Variants in ERBB2 observed in about 807,000 individuals in gnomAD.
ERBB2 encodes erb-b2 receptor tyrosine kinase 2.
A neutral mutation model predicts 149.0 loss-of-function variants in ERBB2; 61 were observed. The ratio of observed to expected loss-of-function variants is 0.41; its 90% CI spans 0.33 to 0.51. The LOEUF (loss-of-function observed/expected upper bound fraction) is 0.51. Among genes scored for constraint, ERBB2 ranks in the 20% least tolerant of loss-of-function variants. The pLI, the probability that ERBB2 is intolerant of heterozygous loss-of-function variation, is 0.25. For synonymous variants in ERBB2, 633 were observed against 678.8 expected (o/e 0.93, Z 1.05); for missense variants, 1,205 against 1,655.1 (o/e 0.73, Z 4.72).
At chr17:39,715,575 C>T (rs2145644222) in intron 11 of ERBB2, 39 bp downstream of exon 11, 1 of 1,593,118 alleles carries the variant, frequency 6.3e-7, no homozygotes, top group South Asian at 1.1e-5. Context: ...GGGGAGGAGT[C>T]CCAGGGAGGA....
At chr17:39,711,223 G>A (rs926908682) in intron 7 of ERBB2, among the ~76,000 whole-genome samples, 7 of 149,340 alleles carry the variant, frequency 4.7e-5, no homozygotes, top group South Asian at 2.1e-4. Flanking sequence ...GCAGAGTCTC[G>A]CTCCATTGCC....
intron 2 of ERBB2, 71 bp from the exon 3 acceptor site, chr17:39,708,250 G>A: frequency 8.0e-7 from 1 of 1,249,504 alleles, no homozygotes; most frequent in Non-Finnish European, 1.1e-6. Context: ...TCCAAGTACT[G>A]GGGAACCCCA....
chr17:39,722,441 G>A (rs926161243), intron 16 of ERBB2, among the ~76,000 whole-genome samples: 3 of 152,076 alleles, frequency 2.0e-5, no homozygotes, highest in African/African-American at 7.2e-5. Flanking sequence ...GGTCAGGGCT[G>A]CAGTGGGCCA....
At chr17:39,707,999 CAAA>C in intron 2 of ERBB2, 1 of 217,004 alleles carries the variant, frequency 4.6e-6, no homozygotes, top group East Asian at 9.7e-5. Flanking sequence ...AACTCCGTCT[CAAA>C]AAAAAAAAAT....
In ERBB2 at chr17:39,726,035, ACT is replaced by A; in HGVS notation, c.2872+185_2872+186del. 1 of 602,876 alleles carries A rather than the reference ACT, an allele frequency of 1.7e-6. No individual in the cohort carries two copies. Among genetic ancestry groups the A allele is most frequent in the Non-Finnish European group, 2.8e-6 (1 of 353,406 alleles). The allele number at this position is 602,876 out of a possible 1,614,324, so 37.3% of individuals were successfully genotyped here. ...AAGTCCAAAGCCACTCTTGAGGAAC[ACT>A]CTTGTACAAAATTAAGCTGGGCACA... On this transcript the variant is annotated intron_variant, in intron 23 of 26. Transcript: ENST00000269571. This position sits in a 1 kb window ranked among gnomAD's most constrained non-coding sequence, Gnocchi z 5.1.
At chr17:39,709,131 G>A (rs966516858) in intron 3 of ERBB2, 187 bp from the exon 4 acceptor site, 6 of 665,836 alleles carry the variant, frequency 9.0e-6, no homozygotes, top group Admixed American at 7.7e-5. Context: ...CCTGGCTCTC[G>A]CTTTGTTCTT....
chr17:39,717,645 T>G (rs1437233479), intron 15 of ERBB2, 165 bp downstream of exon 15: 8 of 591,826 alleles, frequency 1.4e-5, no homozygotes, highest in Non-Finnish European at 2.0e-5. Flanking sequence ...AAATATAAAT[T>G]AATGCCCTAG....
intron 16 of ERBB2, among the ~76,000 whole-genome samples, chr17:39,722,582 G>A (rs2059508256): frequency 6.6e-6 from 1 of 152,204 alleles, no homozygotes; most frequent in Non-Finnish European, 1.5e-5. Context: ...CTGCCCAACT[G>A]TAAGCTGCTG....
intron 1 of ERBB2, among the ~76,000 whole-genome samples, chr17:39,704,514 A>G (rs1312531989): frequency 6.6e-6 from 1 of 152,190 alleles, no homozygotes; most frequent in Non-Finnish European, 1.5e-5. Flanking sequence ...CAGAGGTTGC[A>G]GTGAGCCGAG....
At position 39,716,245 on chromosome 17, in the gene ERBB2, C is replaced by G. The variant is rs191888667; in HGVS notation, c.1514-56C>G. ...TGCCCACAGCCAGTTCCCTGGTTCA[C>G]TTGGACCTGGGGCCTCCCCTAAAAG... On this transcript the variant is annotated intron_variant, in intron 12 of 26. Coordinates refer to ENST00000269571, the MANE Select transcript of ERBB2 (RefSeq NM_004448.4). The G allele has an allele frequency of 4.0e-5, 60 of 1,509,332 alleles. No individual in the cohort carries two copies. In the African/African-American group the frequency reaches 8.1e-4, roughly 20 times the overall value. 93.5% of individuals were successfully genotyped at this position (1,509,332 alleles called of 1,614,324 possible).
upstream of ERBB2, among the ~76,000 whole-genome samples, chr17:39,694,253 A>G (rs1156959791): frequency 2.5e-3 from 70 of 28,108 alleles, no homozygotes; most frequent in Non-Finnish European, 5.2e-3. Flanking sequence ...ATATATATAT[A>G]TATATATATA....
At chr17:39,700,455 C>A in intron 1 of ERBB2, 144 bp downstream of exon 1, 1 of 658,000 alleles carries the variant, frequency 1.5e-6, no homozygotes, top group Non-Finnish European at 2.2e-6. Context: ...ACGCTCAGGG[C>A]AGCCGGGCCC....
In ERBB2 at chr17:39,700,178, GC is replaced by G; in HGVS notation, c.-57del. The G allele has an allele frequency of 7.4e-7, 1 of 1,353,616 alleles. No homozygotes were observed. Among genetic ancestry groups the G allele is most frequent in the Non-Finnish European group, 9.4e-7 (1 of 1,059,954 alleles). 83.9% of individuals were successfully genotyped at this position (1,353,616 alleles called of 1,614,324 possible). A position where few individuals can be genotyped will look rare whatever the true frequency, so the allele number is the denominator to read the frequency against. On this transcript the variant is annotated 5_prime_UTR_variant, in exon 1 of 27. Transcript: ENST00000269571. ...GCCCCCACCCCTCGCAGCACCCCGCGCCCCGCGCCCTCCCAGCCGGGTCCAG... is the reference window on the plus strand; with the variant it reads ...GCCCCCACCCCTCGCAGCACCCCGCGCCCGCGCCCTCCCAGCCGGGTCCAG...
rs758497995 is a variant in ERBB2, at chr17:39,715,933, G to A, written c.1507G>A (p.Glu503Lys). ...CCACACTGCCAACCGGCCAGAGGAC[G>A]AGTGTGGTAAGACAGGGAGCCCAGT... ...LLHTANRPED[E>K]CVGEGLACHQ... Residue 503 changes from glutamate (E) to lysine (K), a missense_variant, in exon 12 of 27, where the codon GAG becomes AAG. By Grantham distance (56) the Glu-to-Lys change is moderately conservative. Coordinates refer to ENST00000269571, the MANE Select transcript of ERBB2 (RefSeq NM_004448.4). The A allele has an allele frequency of 9.9e-6, 16 of 1,608,794 alleles. No homozygotes were observed. Among genetic ancestry groups the A allele is most frequent in the Non-Finnish European group, 1.2e-5 (14 of 1,179,934 alleles).
In ERBB2 at chr17:39,711,971, C is replaced by G. The variant is rs2145559919; in HGVS notation, c.945C>G (p.Cys315Trp). 1 of 1,614,078 alleles carries G rather than the reference C, an allele frequency of 6.2e-7. No individual in the cohort carries two copies. Among genetic ancestry groups the G allele is most frequent in the Non-Finnish European group, 8.5e-7 (1 of 1,179,942 alleles). The change falls in exon 8 of 27, where the codon TGC becomes TGG. Residue 315 changes from cysteine (C) to tryptophan (W), a missense_variant. Physicochemically the swap from Cys to Trp is radical, Grantham distance 215. Around this residue, in one of 6 missense-constraint regions of ERBB2, gnomAD observed 569 missense variants for 803.5 expected, o/e 0.71. Coordinates refer to ENST00000269571, the MANE Select transcript of ERBB2 (RefSeq NM_004448.4). ...ACGTGGGATCCTGCACCCTCGTCTG[C>G]CCCCTGCACAACCAAGAGGTGACAG... is the stretch of plus-strand genomic sequence containing the variant. ...STDVGSCTLV[C>W]PLHNQEVTAE... is the part of the protein sequence containing the mutation.
chr17:39,709,517 A>C (rs2145480888), intron 4 of ERBB2, 65 bp downstream of exon 4: 9 of 1,587,760 alleles, frequency 5.7e-6, no homozygotes, highest in Non-Finnish European at 7.7e-6. Flanking sequence ...CAAACTCCCA[A>C]CTTACAACCC....
At chr17:39,693,767 A>ATAT (rs2057763898), upstream of ERBB2, among the ~76,000 whole-genome samples, 2 of 122,902 alleles carry the variant, frequency 1.6e-5, no homozygotes, top group Admixed American at 1.5e-4. Flanking sequence ...CGAAAATAAA[A>ATAT]TAATAATAAT....
Position 39,726,001 on chromosome 17 carries a change from T to C in ERBB2, c.2872+148T>C. The C allele has an allele frequency of 1.3e-6, 1 of 780,310 alleles. No individual in the cohort carries two copies. The highest frequency in any genetic ancestry group is 2.0e-6 in the Non-Finnish European group (1 of 491,350). 48.3% of individuals were successfully genotyped at this position (780,310 alleles called of 1,614,324 possible). On this transcript the variant is annotated intron_variant, in intron 23 of 26. Transcript: ENST00000269571. This position sits in a 1 kb window ranked among gnomAD's most constrained non-coding sequence, Gnocchi z 5.1. ...GCCTCAAAACCTTCTTGTATCCCTT[T>C]TACAGTCAAAGTCCAAAGCCACTCT...
At chr17:39,694,226 A>AATATATATAT (rs1417710622), upstream of ERBB2, among the ~76,000 whole-genome samples, 2 of 18,534 alleles carry the variant, frequency 1.1e-4, no homozygotes, top group Non-Finnish European at 1.9e-4. Context: ...AAAAAAAAAA[A>AATATATATAT]ATATATATAT....
Sources: gnomAD v4.1 joint callset for allele counts (sites outside exome capture counted in the v4.1 genomes callset) on GRCh38, gnomAD v4.1.1 for gene constraint, gnomAD v4.1.1 regional missense constraint, Gnocchi (gnomAD v3.1) non-coding constraint, MANE v1.5 for transcripts, NCBI Gene and HGNC (gene_info 2026-07-23, HGNC 2026-07-21) for gene names.